PTPRT: variants seen among roughly 807,000 people sequenced by gnomAD.
PTPRT encodes receptor-type tyrosine-protein phosphatase T.
Under a neutral mutation model 176.8 loss-of-function variants are expected in PTPRT, and 56 were observed. The ratio of observed to expected loss-of-function variants is 0.32; its 90% CI spans 0.26 to 0.40. The LOEUF (loss-of-function observed/expected upper bound fraction) is 0.40, where lower values mean the gene tolerates loss of function less well. Ranked by LOEUF, PTPRT falls within the 10% of genes least tolerant of loss-of-function variation. PTPRT has a pLI of 1.00. For synonymous variants in PTPRT, 783 were observed against 739.0 expected, an observed-to-expected ratio of 1.06 and a Z score of -0.96; for missense variants, 1,540 against 1,908.2, an observed-to-expected ratio of 0.81 and a Z score of 3.60.
At chr20:42,283,595 T>G (rs1366642903) in intron 12 of PTPRT, among the ~76,000 whole-genome samples, 1 of 151,976 alleles carries the variant, frequency 6.6e-6, no homozygotes, top group Non-Finnish European at 1.5e-5. Flanking sequence ...TTGGGGGTGA[T>G]TGGGAGACAC....
intron 1 of PTPRT, among the ~76,000 whole-genome samples, chr20:43,102,706 G>T (rs2012444822): frequency 6.6e-6 from 1 of 152,190 alleles, no homozygotes. Context: ...GGGCAATTAT[G>T]AGTCTCTCAG....
chr20:42,247,576 C>CTCTGTGCAT (rs2056475012), intron 14 of PTPRT, among the ~76,000 whole-genome samples: 1 of 152,176 alleles, frequency 6.6e-6, no homozygotes, highest in Non-Finnish European at 1.5e-5. Flanking sequence ...TTGCCCTGAA[C>CTCTGTGCAT]TCTGTGCATA....
intron 2 of PTPRT, among the ~76,000 whole-genome samples, chr20:42,814,178 C>A (rs958357504): frequency 4.6e-5 from 7 of 152,176 alleles, no homozygotes; most frequent in African/African-American, 1.7e-4. Flanking sequence ...TCTCCTGTTT[C>A]TTTCCATACT....
At chr20:43,075,336 C>T (rs2146278561) in intron 1 of PTPRT, among the ~76,000 whole-genome samples, 1 of 152,400 alleles carries the variant, frequency 6.6e-6, no homozygotes, top group East Asian at 1.9e-4. Flanking sequence ...GGTGAAGAGT[C>T]CTCTCCTGCG....
intron 7 of PTPRT, among the ~76,000 whole-genome samples, chr20:42,534,108 A>G (rs1405140744): frequency 1.3e-5 from 2 of 152,188 alleles, no homozygotes; most frequent in South Asian, 2.1e-4. Flanking sequence ...AGATGAGCAG[A>G]CAGGTGTCTG....
rs2075535452 is a variant in PTPRT, at chr20:42,677,908, C to A, written c.1111G>T (p.Gly371Ter). ...GTGGTGAGGGGAGGCCCTGGCGGTC[C>A]CGTACCCCCCTCACCTGGTCGTGTG... ...LLTRPGEGGTGPPGPPLTTRT... is the reference protein window; with the variant it reads ...LLTRPGEGGT Residue 371 changes from glycine (G) to a stop codon, truncating the protein, a stop_gained, in exon 7 of 31, where the codon GGA becomes TGA. Coordinates refer to ENST00000373187, the MANE Select transcript of PTPRT (RefSeq NM_007050.6). LOFTEE classifies it high-confidence loss of function. 1 of 1,613,952 alleles carries A rather than the reference C, an allele frequency of 6.2e-7. No individual in the cohort carries two copies. The highest frequency in any genetic ancestry group is 8.5e-7 in the Non-Finnish European group (1 of 1,180,012).
At chr20:42,467,221 T>C (rs558050611) in intron 8 of PTPRT, among the ~76,000 whole-genome samples, 34 of 152,206 alleles carry the variant, frequency 2.2e-4, no homozygotes, top group Admixed American at 3.3e-4. Context: ...GTTAAAACCA[T>C]TGAGTGAAAG....
chr20:42,861,737 C>A (rs866686979), intron 2 of PTPRT, among the ~76,000 whole-genome samples: 2 of 152,024 alleles, frequency 1.3e-5, no homozygotes, highest in Non-Finnish European at 2.9e-5. Context: ...TTCAAAAAGG[C>A]TAGTCAGAGA....
intron 1 of PTPRT, among the ~76,000 whole-genome samples, chr20:42,893,784 T>G (rs1362924805): frequency 6.6e-6 from 1 of 150,632 alleles, no homozygotes; most frequent in Non-Finnish European, 1.5e-5. Flanking sequence ...CACCACATGT[T>G]CTCACTCATA....
At chr20:43,031,686 T>C (rs1986143835) in intron 1 of PTPRT, among the ~76,000 whole-genome samples, 2 of 152,002 alleles carry the variant, frequency 1.3e-5, no homozygotes, top group Admixed American at 1.3e-4. Context: ...GAGCCTACAT[T>C]CTCCCCATAC....
intron 7 of PTPRT, among the ~76,000 whole-genome samples, chr20:42,558,057 T>C (rs1423614534): frequency 1.3e-5 from 2 of 152,190 alleles, no homozygotes; most frequent in African/African-American, 2.4e-5. Context: ...CATGGGGGTT[T>C]GTTGTAGAGA....
chr20:42,973,288 G>A (rs1345876121), intron 1 of PTPRT, among the ~76,000 whole-genome samples: 1 of 152,058 alleles, frequency 6.6e-6, no homozygotes, highest in Non-Finnish European at 1.5e-5. Context: ...ACGTTTTGGG[G>A]AGGAAAAAAA....
intron 7 of PTPRT, among the ~76,000 whole-genome samples, chr20:42,511,900 C>T (rs780624010): frequency 3.3e-5 from 5 of 152,124 alleles, no homozygotes; most frequent in South Asian, 4.1e-4. Flanking sequence ...TAACTTAGAA[C>T]GTATAGTGTG....
At chr20:42,688,743 A>G (rs1223922797) in intron 6 of PTPRT, among the ~76,000 whole-genome samples, 1 of 152,202 alleles carries the variant, frequency 6.6e-6, no homozygotes, top group East Asian at 1.9e-4. Context: ...TAACTCACAC[A>G]GTGAGCTGAT....
chr20:42,439,725 A>G (rs749345968), intron 9 of PTPRT, among the ~76,000 whole-genome samples: 6 of 152,186 alleles, frequency 3.9e-5, no homozygotes, highest in Non-Finnish European at 8.8e-5. Context: ...TTTTTAAGAA[A>G]TTCTCAAGGA....
chr20:42,494,489 C>T (rs993304224), intron 7 of PTPRT, among the ~76,000 whole-genome samples: 3 of 152,112 alleles, frequency 2.0e-5, no homozygotes, highest in Admixed American at 2.0e-4. Flanking sequence ...CAATGACTAA[C>T]TCTCAGTTGT....
chr20:42,047,623 G>A, the PTPRT span, among the ~76,000 whole-genome samples: 2 of 152,170 alleles, frequency 1.3e-5, no homozygotes, highest in Non-Finnish European at 2.9e-5. Context: ...TTGTAAGCTT[G>A]GTAAATGTGA....
intron 1 of PTPRT, among the ~76,000 whole-genome samples, chr20:43,094,644 G>A (rs891313057): frequency 6.7e-6 from 1 of 149,200 alleles, no homozygotes; most frequent in Non-Finnish European, 1.5e-5. Context: ...GTATCTGCCC[G>A]CCTCAGCCTC....
At chr20:42,441,792 A>G (rs1428872541) in intron 9 of PTPRT, among the ~76,000 whole-genome samples, 1 of 152,216 alleles carries the variant, frequency 6.6e-6, no homozygotes, top group Non-Finnish European at 1.5e-5. Flanking sequence ...TCTGGCTTGA[A>G]CAATTTAGAG....
Sources: allele counts gnomAD v4.1 joint callset (sites outside exome capture counted in the v4.1 genomes callset), GRCh38; gene constraint gnomAD v4.1.1; transcripts MANE v1.5; gene names NCBI Gene and HGNC (gene_info 2026-07-23, HGNC 2026-07-21).